The following FER1L6 variants were observed in gnomAD, a reference collection of about 807,000 sequenced individuals.
FER1L6 encodes fer-1 like family member 6.
In FER1L6, 177 loss-of-function variants were observed where a neutral mutation model predicts 219.2. That is an observed-to-expected ratio of 0.81 (90% CI 0.71 to 0.91). The LOEUF (loss-of-function observed/expected upper bound fraction) is 0.91. Ranked by LOEUF, FER1L6 falls within the 40% of genes least tolerant of loss-of-function variation. The pLI is 0.00. For synonymous variants in FER1L6, 768 were observed against 824.3 expected (o/e 0.93, Z 1.17); for missense variants, 2,153 against 2,259.9 (o/e 0.95, Z 0.96).
rs984202433 is a variant in FER1L6, at chr8:124,071,778, A to G, written c.4092+147A>G. ...ATAAGTCTATAATCAAGTTGCTACC[A>G]GGGTTGGTGTCTTGTGAGGCCTCTC... is the stretch of plus-strand genomic sequence containing the variant. On this transcript the variant is annotated intron_variant, in intron 31 of 40. Coordinates refer to ENST00000522917, the MANE Select transcript of FER1L6 (RefSeq NM_001039112.2). 7.1e-5 allele frequency: 76 copies of G among 1,074,044 alleles called. No individual in the cohort carries two copies. The East Asian group carries it at 2.0e-3, about 28-fold the overall frequency. 66.5% of individuals were successfully genotyped at this position (1,074,044 alleles called of 1,614,324 possible).
At chr8:123,900,455 T>C (rs2129731330) in intron 1 of FER1L6, among the ~76,000 whole-genome samples, 1 of 152,270 alleles carries the variant, frequency 6.6e-6, no homozygotes, top group African/African-American at 2.4e-5. Context: ...CAGTTTGACT[T>C]CCTTTTTATG....
chr8:124,045,834 G>T lies in FER1L6; in HGVS notation c.2657G>T (p.Gly886Val). 1 of 1,614,114 alleles carries T rather than the reference G, an allele frequency of 6.2e-7. No individual in the cohort carries two copies. Among genetic ancestry groups the T allele is most frequent in the Non-Finnish European group, 8.5e-7 (1 of 1,179,994 alleles). ...MLLFNDLVLH[G>V]DVKELAESPP... ...CTGTTCAATGATTTGGTGCTGCATG[G>T]AGATGTGAAGGAGCTGGCAGAGTCC... Residue 886 changes from glycine to valine, a missense_variant, in exon 21 of 41, where the codon GGA (glycine) becomes GTA (valine). Coordinates refer to ENST00000522917, the MANE Select transcript of FER1L6 (RefSeq NM_001039112.2).
chr8:123,931,776 C>CA (rs1586480087), intron 1 of FER1L6, among the ~76,000 whole-genome samples: 2 of 152,186 alleles, frequency 1.3e-5, no homozygotes, highest in South Asian at 2.1e-4. Flanking sequence ...AAAATCTCAA[C>CA]AGTCAAGGCA....
In FER1L6 at chr8:124,087,435, CTCTT is replaced by C. The variant is rs373294770; in HGVS notation, c.4392-3986_4392-3983del. On this transcript the variant is annotated intron_variant, in intron 33 of 40. Transcript: ENST00000522917. ...TTTGATTCCTTTTAATCATTTTACT[CTCTT>C]TGTTAAATTTATCGGATAGGATTCT... 1.3e-3 allele frequency among the ~76,000 whole-genome samples: 200 copies of C among 152,172 alleles called. 1 individual carries two copies. The highest frequency in any genetic ancestry group is 4.4e-3 in the African/African-American group (184 of 41,502).
chr8:123,889,431 A>T (rs1288039612), intron 1 of FER1L6, among the ~76,000 whole-genome samples: 2 of 152,156 alleles, frequency 1.3e-5, no homozygotes, highest in Admixed American at 1.3e-4. Flanking sequence ...AAGGGTTATG[A>T]TATGGGGAAA....
Position 124,101,158 on chromosome 8 carries a change from G to A in FER1L6, c.4945G>A (p.Gly1649Arg). The change falls in exon 38 of 41, where the codon GGA becomes AGA. Residue 1649 changes from glycine (G) to arginine (R), a missense_variant. Physicochemically the swap from Gly to Arg is moderately radical, Grantham distance 125 (BLOSUM62 -2). Transcript: ENST00000522917. ...ETDVHYNSLT[G>R]EGNFNWRFLF... ...AGATGTGCATTACAACTCCCTGACTGGAGAGGGCAACTTCAACTGGCGCTT... is the reference window on the plus strand; with the variant it reads ...AGATGTGCATTACAACTCCCTGACTAGAGAGGGCAACTTCAACTGGCGCTT... The A allele has an allele frequency of 1.2e-6, 2 of 1,613,850 alleles. No individual in the cohort carries two copies. Among genetic ancestry groups the A allele is most frequent in the South Asian group, 1.1e-5 (1 of 91,070 alleles).
intron 1 of FER1L6, among the ~76,000 whole-genome samples, chr8:123,898,868 C>CAT (rs530314634): frequency 5.0e-4 from 56 of 112,116 alleles, no homozygotes; most frequent in East Asian, 9.2e-4. Context: ...CACACACACA[C>CAT]ATATATATAT....
chr8:123,975,093 G>T lies in FER1L6; in HGVS notation c.527-57G>T, dbSNP rs201166100. The T allele has an allele frequency of 1.5e-3, 2,130 of 1,467,308 alleles. 5 individuals carry two copies. Among genetic ancestry groups the T allele is most frequent in the Non-Finnish European group, 1.8e-3 (1,953 of 1,096,368 alleles). 90.9% of individuals were successfully genotyped at this position (1,467,308 alleles called of 1,614,324 possible). Reference sequence around the variant, plus strand: ...AGGCCTTGGCGTGTGGGAGAGAAAGGGGTGGGGCTGCTGGGCCCATCTGTG... The same window carrying T: ...AGGCCTTGGCGTGTGGGAGAGAAAGTGGTGGGGCTGCTGGGCCCATCTGTG... On this transcript the variant is annotated intron_variant, in intron 7 of 40. Coordinates refer to ENST00000522917, the MANE Select transcript of FER1L6 (RefSeq NM_001039112.2).
At chr8:124,092,852 CTTTTTTT>C (rs56104148) in intron 34 of FER1L6, among the ~76,000 whole-genome samples, 111,537 of 140,158 alleles carry the variant, frequency 0.8, 44,251 homozygotes, top group Non-Finnish European at 0.84. Context: ...AAGTGCTACC[CTTTTTTT>C]TTTTTTTTTT....
chr8:123,993,441 CAAAAAA>C (rs758672519), intron 12 of FER1L6, among the ~76,000 whole-genome samples: 10 of 52,274 alleles, frequency 1.9e-4, no homozygotes, highest in Non-Finnish European at 3.5e-4. Flanking sequence ...GACTCCGTCT[CAAAAAA>C]AAAAAAAAAA....
At chr8:123,894,163 C>G (rs1431799631) in intron 1 of FER1L6, among the ~76,000 whole-genome samples, 2 of 152,192 alleles carry the variant, frequency 1.3e-5, no homozygotes, top group Non-Finnish European at 2.9e-5. Context: ...CCAGGCCTCT[C>G]AAAATGTATC....
At chr8:124,077,590 G>A (rs1821346271) in intron 32 of FER1L6, among the ~76,000 whole-genome samples, 1 of 152,156 alleles carries the variant, frequency 6.6e-6, no homozygotes, top group Non-Finnish European at 1.5e-5. Context: ...ATCGTCACCT[G>A]CCACTTATGT....
rs145080078 is a variant in FER1L6 at position 123,908,475 on chromosome 8, A to AT, written c.-7-47516dup. On this transcript the variant is annotated intron_variant, in intron 1 of 40. Transcript: ENST00000522917. The stretch of plus-strand genomic sequence containing the variant: ...AGAAAACAGTTTGTTTCCTCAGTAG[A>AT]TAAGACTTTTAGTAAGAAGTAGACA... 9.7e-3 allele frequency among the ~76,000 whole-genome samples: 1,474 copies of AT among 152,368 alleles called. 20 individuals carry two copies. The highest frequency in any genetic ancestry group is 0.033 in the African/African-American group (1,390 of 41,590).
At chr8:123,870,659 T>C (rs758015617) in intron 1 of FER1L6, among the ~76,000 whole-genome samples, 1 of 152,190 alleles carries the variant, frequency 6.6e-6, no homozygotes, top group Non-Finnish European at 1.5e-5. Flanking sequence ...GGAGGCAGTA[T>C]GGTTAAATAG....
At chr8:124,027,047 C>T (rs1274719290) in intron 18 of FER1L6, among the ~76,000 whole-genome samples, 1 of 152,132 alleles carries the variant, frequency 6.6e-6, no homozygotes, top group Non-Finnish European at 1.5e-5. Flanking sequence ...CTCCATATGA[C>T]ATTCTTCCTC....
At chr8:124,067,446 C>T (rs1443238075) in intron 27 of FER1L6, among the ~76,000 whole-genome samples, 2 of 152,170 alleles carry the variant, frequency 1.3e-5, no homozygotes, top group Non-Finnish European at 2.9e-5. Context: ...GGGAGATGCT[C>T]CAGGGAGGTG....
chr8:124,092,852 CTTTT>C (rs56104148), intron 34 of FER1L6, among the ~76,000 whole-genome samples: 3 of 140,162 alleles, frequency 2.1e-5, no homozygotes, highest in Non-Finnish European at 3.1e-5. Flanking sequence ...AAGTGCTACC[CTTTT>C]TTTTTTTTTT....
chr8:124,039,706 C>T (rs926125289), intron 19 of FER1L6, among the ~76,000 whole-genome samples, 176 bp from the exon 20 acceptor site: 7 of 152,160 alleles, frequency 4.6e-5, no homozygotes, highest in Non-Finnish European at 7.4e-5. Context: ...ATAAATATCA[C>T]CTCTTCCCTT....
intron 12 of FER1L6, among the ~76,000 whole-genome samples, chr8:124,001,674 G>T (rs1451965905): frequency 1.3e-5 from 2 of 152,176 alleles, no homozygotes; most frequent in Non-Finnish European, 2.9e-5. Context: ...GAATGAACTG[G>T]AATGAACTGG....
Sources: allele counts gnomAD v4.1 joint callset (sites outside exome capture counted in the v4.1 genomes callset), GRCh38; gene constraint gnomAD v4.1.1; transcripts MANE v1.5; gene names NCBI Gene and HGNC (gene_info 2026-07-23, HGNC 2026-07-21).